Variants in DGKI observed in about 807,000 individuals in gnomAD.
DGKI encodes the protein diacylglycerol kinase iota, also known as DAG kinase iota.
A neutral mutation model predicts 147.5 loss-of-function variants in DGKI; 55 were observed. That is an observed-to-expected ratio of 0.37 (90% confidence interval 0.30 to 0.47). The LOEUF (loss-of-function observed/expected upper bound fraction) is 0.47, where lower values mean the gene tolerates loss of function less well. Ranked by LOEUF, DGKI falls within the 20% of genes least tolerant of loss-of-function variation. DGKI has a pLI of 1.00. For synonymous variants in DGKI, 469 were observed against 477.1 expected (o/e 0.98, Z 0.22); for missense variants, 1,007 against 1,323.8 (o/e 0.76, Z 3.71).
chr7:137,716,644 G>A (rs1370759371), intron 1 of DGKI, among the ~76,000 whole-genome samples: 1 of 152,164 alleles, frequency 6.6e-6, no homozygotes, highest in Non-Finnish European at 1.5e-5. Flanking sequence ...GATAAACCAA[G>A]AGCAAACATG....
chr7:137,465,280 A>G (rs916172103), intron 26 of DGKI, among the ~76,000 whole-genome samples: 2 of 152,222 alleles, frequency 1.3e-5, no homozygotes, highest in Non-Finnish European at 2.9e-5. Context: ...TATTGTAATA[A>G]CATTCTGTTT....
At chr7:137,492,984 G>C (rs929094174) in intron 21 of DGKI, among the ~76,000 whole-genome samples, 3 of 152,090 alleles carry the variant, frequency 2.0e-5, no homozygotes, top group South Asian at 2.1e-4. Flanking sequence ...AGCATCCTCT[G>C]TACCACTTTG....
At chr7:137,585,484 T>C in intron 13 of DGKI, 138 bp from the exon 14 acceptor site, 1 of 939,540 alleles carries the variant, frequency 1.1e-6, no homozygotes, top group Non-Finnish European at 1.6e-6. Context: ...ATTTTTTACC[T>C]TGAGGTACTT....
chr7:137,598,676 A>T (rs1355151259), intron 11 of DGKI, among the ~76,000 whole-genome samples: 1 of 152,186 alleles, frequency 6.6e-6, no homozygotes, highest in Non-Finnish European at 1.5e-5. Context: ...CACCTATTTA[A>T]ATCACAAAAT....
At chr7:137,441,827 A>T (rs900107352) in intron 28 of DGKI, among the ~76,000 whole-genome samples, 1 of 152,198 alleles carries the variant, frequency 6.6e-6, no homozygotes, top group Non-Finnish European at 1.5e-5. Flanking sequence ...TGAGAAAGAC[A>T]AATTGCTACT....
At chr7:137,625,183 G>A (rs1820889540) in intron 6 of DGKI, among the ~76,000 whole-genome samples, 1 of 152,120 alleles carries the variant, frequency 6.6e-6, no homozygotes, top group African/African-American at 2.4e-5. Flanking sequence ...CTTGCAGCTG[G>A]GTGTGGTGGC....
chr7:137,792,986 C>G (rs931019638), intron 1 of DGKI, among the ~76,000 whole-genome samples: 2 of 152,350 alleles, frequency 1.3e-5, no homozygotes, highest in South Asian at 2.1e-4. Context: ...CAGCAACTTA[C>G]AAGCATTCAC....
chr7:137,597,816 C>A (rs1819849819), intron 12 of DGKI, 31 bp downstream of exon 12: 1 of 1,596,016 alleles, frequency 6.3e-7, no homozygotes, highest in Admixed American at 1.7e-5. Flanking sequence ...ATAGAATTGG[C>A]AGAGAACTGG....
At chr7:137,563,038 A>G (rs1818469045) in intron 19 of DGKI, among the ~76,000 whole-genome samples, 1 of 152,136 alleles carries the variant, frequency 6.6e-6, no homozygotes, top group South Asian at 2.1e-4. Flanking sequence ...AACTGTATCT[A>G]GCAATATAAA....
At chr7:137,658,279 A>G (rs1469624859) in intron 3 of DGKI, among the ~76,000 whole-genome samples, 1 of 152,196 alleles carries the variant, frequency 6.6e-6, no homozygotes, top group East Asian at 1.9e-4. Flanking sequence ...TTTGCTCTAC[A>G]GGGTAGAGCA....
intron 1 of DGKI, among the ~76,000 whole-genome samples, chr7:137,730,511 T>C (rs1182050366): frequency 1.3e-5 from 2 of 152,192 alleles, no homozygotes; most frequent in Admixed American, 1.3e-4. Context: ...TTCTAATTGA[T>C]CTCTAATCCA....
chr7:137,598,968 T>C (rs1369144541), intron 11 of DGKI, among the ~76,000 whole-genome samples: 1 of 152,210 alleles, frequency 6.6e-6, no homozygotes, highest in Non-Finnish European at 1.5e-5. Context: ...TTAATTTTCA[T>C]ATTTCCTAAT....
intron 6 of DGKI, among the ~76,000 whole-genome samples, chr7:137,627,177 T>A (rs73152508): frequency 0.017 from 2,594 of 152,292 alleles, 46 homozygotes; most frequent in Non-Finnish European, 0.029. Context: ...AAATTTTGCT[T>A]CCACTAAAAA....
At chr7:137,621,128 C>A (rs1820733356) in intron 7 of DGKI, among the ~76,000 whole-genome samples, 1 of 152,086 alleles carries the variant, frequency 6.6e-6, no homozygotes, top group African/African-American at 2.4e-5. Flanking sequence ...GATCCAGTGG[C>A]TAATCATTAA....
chr7:137,493,064 T>C (rs1815828071), intron 21 of DGKI, among the ~76,000 whole-genome samples: 1 of 152,194 alleles, frequency 6.6e-6, no homozygotes, highest in African/African-American at 2.4e-5. Flanking sequence ...AGACCTTGCC[T>C]ACCCTTCCCT....
intron 7 of DGKI, 82 bp downstream of exon 7, chr7:137,623,401 T>A: frequency 7.4e-7 from 1 of 1,351,170 alleles, no homozygotes; most frequent in Non-Finnish European, 1.1e-6. Flanking sequence ...GCCTTCTACT[T>A]CCAGGGAGAA....
intron 1 of DGKI, among the ~76,000 whole-genome samples, chr7:137,759,595 G>C (rs1041363467): frequency 2.0e-5 from 3 of 152,162 alleles, no homozygotes; most frequent in African/African-American, 7.2e-5. Flanking sequence ...GCCCGCCTCA[G>C]CCTCCCAAAG....
chr7:137,464,244 G>C (rs1299975700), intron 26 of DGKI, among the ~76,000 whole-genome samples: 1 of 130,214 alleles, frequency 7.7e-6, no homozygotes, highest in East Asian at 2.3e-4. Context: ...GTGACAGAGC[G>C]AGACTCCATC....
At chr7:137,436,779 A>G (rs1813299774) in intron 28 of DGKI, among the ~76,000 whole-genome samples, 1 of 148,334 alleles carries the variant, frequency 6.7e-6, no homozygotes, top group Admixed American at 6.6e-5. Context: ...AAATCTAGCA[A>G]TGTATAAAGG....
Sources: allele counts gnomAD v4.1 joint callset (sites outside exome capture counted in the v4.1 genomes callset), GRCh38; gene constraint gnomAD v4.1.1; transcripts MANE v1.5; gene names NCBI Gene and HGNC (gene_info 2026-07-23, HGNC 2026-07-21).